Variants in TGFBR3 observed in about 807,000 individuals in gnomAD.
TGFBR3 encodes the protein transforming growth factor beta receptor type 3.
In TGFBR3, 46 loss-of-function variants were observed where a neutral mutation model predicts 87.9. The observed-to-expected ratio is 0.52, with a 90% CI of 0.41 to 0.67. The LOEUF is 0.67. Ranked by LOEUF, TGFBR3 falls within the 30% of genes least tolerant of loss-of-function variation. TGFBR3 has a pLI of 0.00. For synonymous variants in TGFBR3, 381 were observed against 391.6 expected, an observed-to-expected ratio of 0.97 and a Z score of 0.32; for missense variants, 866 against 1,041.9, an observed-to-expected ratio of 0.83 and a Z score of 2.32.
Position 91,720,004 on chromosome 1 carries a change from C to G in TGFBR3, c.1302G>C (p.Leu434=), listed in dbSNP as rs774969767. The change falls in exon 9 of 17, where the codon CTG becomes CTC. Residue 434 remains leucine (L), a synonymous_variant. Transcript: ENST00000212355. ...PKDPVIPSIQ[L]FPGLREPEEV... ...CTTCTGGCTCTCTGAGACCAGGAAA[C>G]AGTTGTATGCTGGGAATGACAGGGT... 1 of 1,614,180 alleles carries G rather than the reference C, an allele frequency of 6.2e-7. No individual in the cohort carries two copies. The highest frequency in any genetic ancestry group is 8.5e-7 in the Non-Finnish European group (1 of 1,180,030).
intron 2 of TGFBR3, among the ~76,000 whole-genome samples, chr1:91,833,455 T>C (rs1410800380): frequency 2.3e-5 from 2 of 85,890 alleles, no homozygotes; most frequent in Non-Finnish European, 4.1e-5. Flanking sequence ...AGCAAAGCTC[T>C]GTCTCAAAAA....
At chr1:91,860,384 G>A (rs929176934) in intron 2 of TGFBR3, among the ~76,000 whole-genome samples, 11 of 152,064 alleles carry the variant, frequency 7.2e-5, no homozygotes, top group African/African-American at 2.4e-4. Context: ...ATCACTTTTC[G>A]AGTCAATGCT....
intron 3 of TGFBR3, among the ~76,000 whole-genome samples, chr1:91,762,929 T>G (rs1028242272): frequency 8.1e-6 from 1 of 123,112 alleles, no homozygotes; most frequent in Non-Finnish European, 1.8e-5. Context: ...GTGGAAACAC[T>G]ACCTCCCTAT....
At chr1:91,847,831 C>G (rs1677564856) in intron 2 of TGFBR3, among the ~76,000 whole-genome samples, 1 of 152,060 alleles carries the variant, frequency 6.6e-6, no homozygotes, top group Non-Finnish European at 1.5e-5. Flanking sequence ...ACCAATGACC[C>G]CGCCCTCAGT....
rs894997379 is a variant in TGFBR3 at position 91,885,933 on chromosome 1, C to G, written c.-169G>C. The stretch of plus-strand genomic sequence containing the variant: ...CCCGCAGCAAGTTGGAGGAAAGCGG[C>G]GGCAAGTTTCCCCGCCCAGCGCTCG... On this transcript the variant is annotated 5_prime_UTR_variant, in exon 1 of 17. Coordinates refer to ENST00000212355, the MANE Select transcript of TGFBR3 (RefSeq NM_003243.5). The G allele has an allele frequency of 6.7e-6, 3 of 446,472 alleles. No individual in the cohort carries two copies. Among genetic ancestry groups the G allele is most frequent in the Non-Finnish European group, 1.3e-5 (3 of 222,846 alleles). 27.7% of individuals were successfully genotyped at this position (446,472 alleles called of 1,614,324 possible).
At chr1:91,702,014 T>C (rs1671635526) in intron 14 of TGFBR3, among the ~76,000 whole-genome samples, 1 of 152,166 alleles carries the variant, frequency 6.6e-6, no homozygotes, top group Admixed American at 6.5e-5. Flanking sequence ...CAGGGGACAT[T>C]TGGAAACGTC....
intron 2 of TGFBR3, among the ~76,000 whole-genome samples, chr1:91,851,469 T>C (rs1677732311): frequency 6.6e-6 from 1 of 151,840 alleles, no homozygotes; most frequent in Non-Finnish European, 1.5e-5. Context: ...GGCCTCTTGC[T>C]GGCACGCTTC....
At chr1:91,746,692 T>G (rs1332503456) in intron 4 of TGFBR3, among the ~76,000 whole-genome samples, 6 of 152,070 alleles carry the variant, frequency 3.9e-5, no homozygotes, top group Admixed American at 3.9e-4. Context: ...TACAAATGCC[T>G]GGCTCCAAAC....
rs115388650 is a variant in TGFBR3, at chr1:91,845,123, A to C, written c.61+16348T>G. ...TCCAAGTTGAGTAATAAACAGAAAT[A>C]ATAGATTTTTGGGGGCCTTTCCTGA... On this transcript the variant is annotated intron_variant, in intron 2 of 16. Transcript: ENST00000212355. Among the ~76,000 whole-genome samples, 859 of 152,330 alleles carry C rather than the reference A, an allele frequency of 5.6e-3. 6 individuals are homozygous for C. Among genetic ancestry groups the C allele is most frequent in the African/African-American group, 0.02 (824 of 41,570 alleles).
intron 1 of TGFBR3, chr1:91,863,766 C>A (rs563621730): frequency 6.6e-6 from 1 of 152,284 alleles, no homozygotes; most frequent in African/African-American, 2.4e-5. Context: ...AATGACACAA[C>A]GGTCTTGTCT....
chr1:91,778,299 T>C (rs1021355616), intron 3 of TGFBR3, among the ~76,000 whole-genome samples: 1 of 152,226 alleles, frequency 6.6e-6, no homozygotes, highest in African/African-American at 2.4e-5. Context: ...GAAATGCTTT[T>C]GACTCTAATT....
At chr1:91,869,191 A>G (rs935338305) in intron 1 of TGFBR3, among the ~76,000 whole-genome samples, 2 of 152,202 alleles carry the variant, frequency 1.3e-5, no homozygotes, top group Admixed American at 6.5e-5. Context: ...GACACCTAGA[A>G]CGCAGTACAA....
intron 14 of TGFBR3, among the ~76,000 whole-genome samples, chr1:91,700,521 C>T (rs1453152368): frequency 1.3e-5 from 2 of 152,192 alleles, no homozygotes; most frequent in Non-Finnish European, 2.9e-5. Flanking sequence ...CTGGATGAAT[C>T]AGAGCCACCA....
At chr1:91,747,877 G>A (rs1673399198) in intron 4 of TGFBR3, among the ~76,000 whole-genome samples, 1 of 152,168 alleles carries the variant, frequency 6.6e-6, no homozygotes, top group Non-Finnish European at 1.5e-5. Flanking sequence ...CTTCCTGAAG[G>A]CCTCCCTGCG....
At chr1:91,833,814 A>G (rs1260526236) in intron 2 of TGFBR3, among the ~76,000 whole-genome samples, 1 of 151,892 alleles carries the variant, frequency 6.6e-6, no homozygotes, top group Non-Finnish European at 1.5e-5. Flanking sequence ...CTGAATCAAG[A>G]TATCCCAAGG....
chr1:91,802,880 T>C (rs989359345), intron 2 of TGFBR3, among the ~76,000 whole-genome samples: 3 of 151,636 alleles, frequency 2.0e-5, no homozygotes, highest in Non-Finnish European at 4.4e-5. Flanking sequence ...ACCCCTTCCC[T>C]CTCCTCACCC....
chr1:91,701,996 T>G lies in TGFBR3; in HGVS notation c.2288-3866A>C, dbSNP rs201487276. Among the ~76,000 whole-genome samples, 6 of 152,276 alleles carry G rather than the reference T, an allele frequency of 3.9e-5. No homozygotes were observed. In the East Asian group the frequency reaches 1.2e-3, roughly 29 times the overall value. ...CAGTGTGTCTCACGTGGTGGGTGATTTTTATTCCAGGGGACATTTGGAAAC... is the reference window on the plus strand; with the variant it reads ...CAGTGTGTCTCACGTGGTGGGTGATGTTTATTCCAGGGGACATTTGGAAAC... On this transcript the variant is annotated intron_variant, in intron 14 of 16. Transcript: ENST00000212355.
intron 2 of TGFBR3, among the ~76,000 whole-genome samples, chr1:91,807,635 TC>T (rs1462141911): frequency 2.0e-5 from 3 of 152,224 alleles, no homozygotes; most frequent in African/African-American, 7.2e-5. Context: ...TACTCTTCCA[TC>T]TAAACAAGAT....
intron 2 of TGFBR3, among the ~76,000 whole-genome samples, chr1:91,821,642 A>T (rs1676455610): frequency 6.6e-6 from 1 of 152,182 alleles, no homozygotes; most frequent in Non-Finnish European, 1.5e-5. Context: ...CATAGACCTG[A>T]GAGCTGTGGC....
Sources: allele counts gnomAD v4.1 joint callset (sites outside exome capture counted in the v4.1 genomes callset), GRCh38; gene constraint gnomAD v4.1.1; transcripts MANE v1.5; gene names NCBI Gene and HGNC (gene_info 2026-07-23, HGNC 2026-07-21).